The following KCNH1 variants were observed in gnomAD, a reference collection of about 807,000 sequenced individuals.
KCNH1 encodes voltage-gated delayed rectifier potassium channel KCNH1.
KCNH1 carries 27 observed loss-of-function variants against 69.2 expected under a neutral mutation model. That is an observed-to-expected ratio of 0.39 (90% CI 0.29 to 0.54). The LOEUF is 0.54. KCNH1 is among the 20% of genes least tolerant of loss of function. The pLI, the probability that KCNH1 is intolerant of heterozygous loss-of-function variation, is 0.68. For synonymous variants in KCNH1, 456 were observed against 487.7 expected, an observed-to-expected ratio of 0.93 and a Z score of 0.86; for missense variants, 798 against 1,261.6, an observed-to-expected ratio of 0.63 and a Z score of 5.57.
chr1:211,062,854 G>T (rs1690454454), intron 5 of KCNH1, among the ~76,000 whole-genome samples: 1 of 151,964 alleles, frequency 6.6e-6, no homozygotes, highest in African/African-American at 2.4e-5. Flanking sequence ...ATAAACTCTT[G>T]TTAGAAATGG....
At chr1:211,015,503 T>C (rs1689476218) in intron 6 of KCNH1, among the ~76,000 whole-genome samples, 1 of 152,218 alleles carries the variant, frequency 6.6e-6, no homozygotes, top group Non-Finnish European at 1.5e-5. Context: ...ACCTGCTAAG[T>C]GTTCCCACCC....
intron 6 of KCNH1, among the ~76,000 whole-genome samples, chr1:210,978,058 T>A (rs1048475554): frequency 3.6e-4 from 55 of 151,532 alleles, no homozygotes; most frequent in African/African-American, 1.3e-3. Context: ...TTTTTTTTTT[T>A]AGATGGAGTC....
chr1:210,918,371 A>G (rs1687390090), intron 7 of KCNH1, among the ~76,000 whole-genome samples: 1 of 152,210 alleles, frequency 6.6e-6, no homozygotes, highest in African/African-American at 2.4e-5. Context: ...CTGAAATTTC[A>G]CCAGAGGACC....
At chr1:210,697,685 G>A (rs1202257961) in intron 10 of KCNH1, among the ~76,000 whole-genome samples, 2 of 152,242 alleles carry the variant, frequency 1.3e-5, no homozygotes, top group East Asian at 1.9e-4. Flanking sequence ...GGGGGAGGTT[G>A]TATCCTTCTG....
At chr1:210,833,755 A>G (rs1314868643) in intron 7 of KCNH1, among the ~76,000 whole-genome samples, 2 of 152,152 alleles carry the variant, frequency 1.3e-5, no homozygotes, top group South Asian at 2.1e-4. Flanking sequence ...GCAACCCACA[A>G]AATGGGAGAA....
intron 6 of KCNH1, among the ~76,000 whole-genome samples, chr1:210,921,522 C>G (rs17267269): frequency 0.015 from 2,230 of 152,262 alleles, 24 homozygotes; most frequent in Non-Finnish European, 0.023. Context: ...TGTACACAAG[C>G]TTTTTGATGA....
At chr1:210,690,672 A>C (rs1468286046) in intron 10 of KCNH1, among the ~76,000 whole-genome samples, 1 of 152,238 alleles carries the variant, frequency 6.6e-6, no homozygotes, top group Admixed American at 6.5e-5. Flanking sequence ...TTCTGTTACT[A>C]TGGAATCAAA....
intron 5 of KCNH1, among the ~76,000 whole-genome samples, chr1:211,069,376 G>A (rs951997131): frequency 2.7e-5 from 4 of 149,054 alleles, no homozygotes; most frequent in Non-Finnish European, 4.4e-5. Context: ...CATATTGAAA[G>A]GCAAAAACAC....
chr1:210,808,352 C>T lies in KCNH1; in HGVS notation c.1463-4186G>A, dbSNP rs937005508. On this transcript the variant is annotated intron_variant, in intron 7 of 10. Transcript: ENST00000271751. Reference sequence around the variant, plus strand: ...CTCTTTTGTCCATGATCTGAGAGAACCAGGCAGCAGGTCAGACATCAAGCA... The same window carrying T: ...CTCTTTTGTCCATGATCTGAGAGAATCAGGCAGCAGGTCAGACATCAAGCA... Among the ~76,000 whole-genome samples the T allele has an allele frequency of 9.9e-5, 15 of 152,096 alleles. 1 individual carries two copies. The highest frequency in any genetic ancestry group is 9.8e-4 in the Admixed American group (15 of 15,270).
intron 7 of KCNH1, among the ~76,000 whole-genome samples, chr1:210,909,370 C>G (rs1687179629): frequency 6.6e-6 from 1 of 152,182 alleles, no homozygotes; most frequent in Non-Finnish European, 1.5e-5. Context: ...ATTGTGGAAC[C>G]ATTCATCCAC....
At chr1:210,992,210 AC>A (rs1490439650) in intron 6 of KCNH1, among the ~76,000 whole-genome samples, 1 of 152,226 alleles carries the variant, frequency 6.6e-6, no homozygotes. Flanking sequence ...TCAGAGGATA[AC>A]CAATATCTGT....
chr1:211,128,924 G>A (rs1041607851), intron 1 of KCNH1, among the ~76,000 whole-genome samples: 3 of 151,994 alleles, frequency 2.0e-5, no homozygotes, highest in Non-Finnish European at 4.4e-5. Flanking sequence ...AAGGAAAGGC[G>A]GCAAAAGAAA....
At chr1:210,746,141 A>G (rs1321412667) in intron 10 of KCNH1, among the ~76,000 whole-genome samples, 8 of 152,122 alleles carry the variant, frequency 5.3e-5, no homozygotes. Flanking sequence ...ATCTTCAGGA[A>G]CTGTCATGGT....
chr1:210,822,374 C>T (rs557128161), intron 7 of KCNH1, among the ~76,000 whole-genome samples: 1 of 152,024 alleles, frequency 6.6e-6, no homozygotes, highest in Non-Finnish European at 1.5e-5. Context: ...TTATACCAGG[C>T]TAAGACACTT....
chr1:211,078,963 TGA>T (rs1690794296), intron 5 of KCNH1, among the ~76,000 whole-genome samples: 1 of 140,052 alleles, frequency 7.1e-6, no homozygotes, highest in Non-Finnish European at 1.6e-5. Flanking sequence ...ATAACTAAGA[TGA>T]GAGCAGAACT....
At chr1:210,776,198 C>T (rs75082097) in intron 9 of KCNH1, among the ~76,000 whole-genome samples, 2,406 of 152,238 alleles carry the variant, frequency 0.016, 28 homozygotes, top group Non-Finnish European at 0.025. Flanking sequence ...ATGTCCACCA[C>T]CCTAAGGTTT....
chr1:210,869,299 A>G (rs753335206), intron 7 of KCNH1, among the ~76,000 whole-genome samples: 1 of 151,910 alleles, frequency 6.6e-6, no homozygotes, highest in Non-Finnish European at 1.5e-5. Flanking sequence ...TGAGTTTATA[A>G]TTTTCATAAA....
At chr1:211,131,960 A>C (rs1691883489) in intron 1 of KCNH1, among the ~76,000 whole-genome samples, 3 of 152,198 alleles carry the variant, frequency 2.0e-5, no homozygotes, top group South Asian at 4.1e-4. Context: ...TTACAGAGGG[A>C]AAGTGGCTCT....
intron 6 of KCNH1, among the ~76,000 whole-genome samples, chr1:211,016,675 G>A (rs1329716015): frequency 2.0e-5 from 3 of 151,902 alleles, no homozygotes; most frequent in Non-Finnish European, 2.9e-5. Context: ...TTAGGAGGCC[G>A]AGGCAGGCAG....
Sources: gnomAD v4.1 joint callset for allele counts (sites outside exome capture counted in the v4.1 genomes callset) on GRCh38, gnomAD v4.1.1 for gene constraint, MANE v1.5 for transcripts, NCBI Gene and HGNC (gene_info 2026-07-23, HGNC 2026-07-21) for gene names.